The following ZNF124 variants were observed in gnomAD, a reference collection of about 807,000 sequenced individuals.
ZNF124 encodes zinc finger protein 124.
ZNF124 carries 25 observed loss-of-function variants against 26.6 expected under a neutral mutation model. The observed-to-expected ratio is 0.94, with a 90% CI of 0.68 to 1.31. The LOEUF (loss-of-function observed/expected upper bound fraction) is 1.31. Among genes scored for constraint, ZNF124 ranks in the 40% most tolerant of loss-of-function variants. The probability of loss-of-function intolerance (pLI) is 0.00; values close to 1 mark genes in which losing one functional copy is unlikely to be tolerated. For missense variants in ZNF124, 444 were observed against 422.2 expected (o/e 1.05, Z -0.45); for synonymous variants, 129 against 133.3 (o/e 0.97, Z 0.22).
At chr1:247,167,060 GAA>G (rs1209316364) in intron 1 of ZNF124, among the ~76,000 whole-genome samples, 1 of 152,162 alleles carries the variant, frequency 6.6e-6, no homozygotes, top group East Asian at 1.9e-4. Flanking sequence ...ACGGATGCAG[GAA>G]AAGTATTTGG....
Position 247,133,958 on chromosome 1 carries a change from A to T in ZNF124, c.219-10087T>A, listed in dbSNP as rs191282619. Among the ~76,000 whole-genome samples, 175 of 152,242 alleles carry T rather than the reference A, an allele frequency of 1.1e-3. 2 individuals carry two copies. The highest frequency in any genetic ancestry group is 4.0e-3 in the African/African-American group (168 of 41,566). On this transcript the variant is annotated intron_variant, in intron 3 of 3. Coordinates refer to the ZNF124 transcript ENST00000472531. ...ATGAGCCACGGCGCCCAGCCTCAAC[A>T]TTCTTAAAGGAAAGAATTTTCAACT...
intron 3 of ZNF124, among the ~76,000 whole-genome samples, chr1:247,127,860 TTC>T (rs1672248368): frequency 1.3e-5 from 1 of 76,974 alleles, no homozygotes; most frequent in South Asian, 4.2e-4. Flanking sequence ...AAGCCCTTCC[TTC>T]TTTAACTCGG....
At chr1:247,148,604 C>T (rs1672846585) in intron 3 of ZNF124, among the ~76,000 whole-genome samples, 1 of 152,104 alleles carries the variant, frequency 6.6e-6, no homozygotes, top group Non-Finnish European at 1.5e-5. Context: ...TCAAAGAGAC[C>T]CAACTGGATG....
chr1:247,160,862 A>G (rs1673438483), intron 1 of ZNF124, among the ~76,000 whole-genome samples: 1 of 150,166 alleles, frequency 6.7e-6, no homozygotes, highest in South Asian at 2.1e-4. Flanking sequence ...CTCAAGCCCA[A>G]ATTTAATCAA....
chr1:247,166,683 G>C (rs1034878874), intron 1 of ZNF124, among the ~76,000 whole-genome samples: 3 of 152,132 alleles, frequency 2.0e-5, no homozygotes, highest in Non-Finnish European at 4.4e-5. Context: ...CAAATGTCTA[G>C]AAACACACAG....
chr1:247,146,798 C>T (rs543585168), intron 3 of ZNF124, among the ~76,000 whole-genome samples: 3 of 152,244 alleles, frequency 2.0e-5, no homozygotes, highest in East Asian at 1.9e-4. Flanking sequence ...TTGAGACAAG[C>T]TTTATGTTGA....
rs985591126 is a variant in ZNF124 at position 247,155,764 on chromosome 1, G to A, written c.*802C>T. 1 of 248,804 alleles carries A rather than the reference G, an allele frequency of 4.0e-6. No individual in the cohort carries two copies. Among genetic ancestry groups the A allele is most frequent in the African/African-American group, 2.3e-5 (1 of 43,020 alleles). The allele number at this position is 248,804 out of a possible 1,614,324, so 15.4% of individuals were successfully genotyped here. On this transcript the variant is annotated 3_prime_UTR_variant, in exon 4 of 4. Transcript: ENST00000543802. ...TAGTCCCAGCTACTCAGGAGGCTGA[G>A]GCAGGAGAATGGCGTGAACCTGGGA...
At chr1:247,136,584 G>A (rs1173880905) in intron 3 of ZNF124, among the ~76,000 whole-genome samples, 1 of 152,170 alleles carries the variant, frequency 6.6e-6, no homozygotes, top group African/African-American at 2.4e-5. Flanking sequence ...GTAATTTACA[G>A]ATTCAGTGCT....
intron 1 of ZNF124, among the ~76,000 whole-genome samples, chr1:247,161,144 AAC>A (rs1673455865): frequency 6.6e-6 from 1 of 152,256 alleles, no homozygotes; most frequent in Admixed American, 6.5e-5. Context: ...TCTTCTGAAT[AAC>A]AGTGTGATGG....
intron 3 of ZNF124, among the ~76,000 whole-genome samples, chr1:247,134,276 G>A (rs1328164397): frequency 6.6e-6 from 1 of 152,082 alleles, no homozygotes; most frequent in Non-Finnish European, 1.5e-5. Flanking sequence ...AATGTAAATG[G>A]GCTAAAAGCC....
upstream of ZNF124, among the ~76,000 whole-genome samples, chr1:247,172,361 C>A (rs1674121829): frequency 6.6e-6 from 1 of 152,060 alleles, no homozygotes; most frequent in South Asian, 2.1e-4. Flanking sequence ...TATTAACCTT[C>A]ATGGCCTCTG....
At chr1:247,130,692 G>A (rs74152934) in intron 3 of ZNF124, among the ~76,000 whole-genome samples, 1,806 of 152,332 alleles carry the variant, frequency 0.012, 24 homozygotes, top group African/African-American at 0.041. Context: ...TGAAATGTAA[G>A]TGCCTTGCAA....
chr1:247,131,677 C>G (rs570994057), intron 3 of ZNF124, among the ~76,000 whole-genome samples: 1 of 152,352 alleles, frequency 6.6e-6, no homozygotes, highest in Non-Finnish European at 1.5e-5. Flanking sequence ...AGTTTGCAGC[C>G]AGAGTGCCTC....
At chr1:247,143,769 G>T (rs1672689292) in intron 3 of ZNF124, among the ~76,000 whole-genome samples, 1 of 152,196 alleles carries the variant, frequency 6.6e-6, no homozygotes. Context: ...GTCTCTAGAT[G>T]GTAGAAACTA....
In ZNF124 at chr1:247,157,060, T is replaced by C; in HGVS notation, c.562A>G (p.Ser188Gly). The change falls in exon 4 of 4, where the codon AGT becomes GGT. Residue 188 changes from serine to glycine, a missense_variant. Coordinates refer to ENST00000543802, the MANE Select transcript of ZNF124 (RefSeq NM_001297568.2). ...YECKQCGKAFSRSSHLRDHER... is the reference protein window; with the variant it reads ...YECKQCGKAFGRSSHLRDHER... The stretch of plus-strand genomic sequence containing the variant: ...TGGTCACGAAGGTGACTGGAACGAC[T>C]GAAGGCTTTCCCACATTGCTTACAT... 1 of 1,614,176 alleles carries C rather than the reference T, an allele frequency of 6.2e-7. No homozygotes were observed. Among genetic ancestry groups the C allele is most frequent in the Non-Finnish European group, 8.5e-7 (1 of 1,180,024 alleles).
Position 247,155,752 on chromosome 1 carries a change from T to A in ZNF124, c.*814A>T, listed in dbSNP as rs1673092148. The A allele has an allele frequency of 4.6e-6, 1 of 215,092 alleles. No individual in the cohort carries two copies. 13.3% of individuals were successfully genotyped at this position (215,092 alleles called of 1,614,324 possible). Reference sequence around the variant, plus strand: ...GGCAGGCACCTGTAGTCCCAGCTACTCAGGAGGCTGAGGCAGGAGAATGGC... The same window carrying A: ...GGCAGGCACCTGTAGTCCCAGCTACACAGGAGGCTGAGGCAGGAGAATGGC... On this transcript the variant is annotated 3_prime_UTR_variant, in exon 4 of 4. Transcript: ENST00000543802.
At chr1:247,158,970 C>A in intron 3 of ZNF124, 36 bp downstream of exon 3, 1 of 1,591,992 alleles carries the variant, frequency 6.3e-7, no homozygotes, top group Admixed American at 1.7e-5. Context: ...CAATTGACCC[C>A]AAGGGGGACT....
chr1:247,152,677 G>A (rs2103114409), downstream of ZNF124, among the ~76,000 whole-genome samples: 1 of 152,200 alleles, frequency 6.6e-6, no homozygotes, highest in Non-Finnish European at 1.5e-5. Context: ...AGCATAATCT[G>A]GGTGTCACAC....
At chr1:247,157,450 A>T (rs753152080) in intron 3 of ZNF124, 47 bp from the exon 4 acceptor site, 1 of 1,523,872 alleles carries the variant, frequency 6.6e-7, no homozygotes, top group South Asian at 1.2e-5. Context: ...CACACAATGC[A>T]TTCATGTGGT....
Sources: gnomAD v4.1 joint callset for allele counts (sites outside exome capture counted in the v4.1 genomes callset) on GRCh38, gnomAD v4.1.1 for gene constraint, MANE v1.5 for transcripts, NCBI Gene and HGNC (gene_info 2026-07-23, HGNC 2026-07-21) for gene names.